KDM2A: variants seen among roughly 807,000 people sequenced by gnomAD.
KDM2A encodes the protein lysine-specific demethylase 2A.
In KDM2A, 3 loss-of-function variants were observed where a neutral mutation model predicts 137.3. The observed-to-expected ratio is 0.02, with a 90% CI of 0.01 to 0.06. The LOEUF (loss-of-function observed/expected upper bound fraction) is 0.06, where lower values mean the gene tolerates loss of function less well. Among genes scored for constraint, KDM2A ranks in the 10% least tolerant of loss-of-function variants. KDM2A has a pLI of 1.00. For missense variants in KDM2A, 738 were observed against 1,510.6 expected (o/e 0.49, Z 8.48); for synonymous variants, 512 against 541.5 (o/e 0.95, Z 0.76).
At chr11:67,144,384 C>T (rs1240905224) in intron 2 of KDM2A, among the ~76,000 whole-genome samples, 1 of 151,454 alleles carries the variant, frequency 6.6e-6, no homozygotes, top group East Asian at 1.9e-4. Flanking sequence ...TCTCAAGTAG[C>T]TGGGATTACA....
intron 2 of KDM2A, among the ~76,000 whole-genome samples, chr11:67,161,751 C>T (rs1442874673): frequency 2.0e-5 from 3 of 152,132 alleles, no homozygotes; most frequent in African/African-American, 4.8e-5. Context: ...ATTTTCATAA[C>T]AGTACTATTA....
At chr11:67,221,058 G>A (rs1858330246) in intron 10 of KDM2A, among the ~76,000 whole-genome samples, 2 of 151,406 alleles carry the variant, frequency 1.3e-5, no homozygotes, top group South Asian at 4.2e-4. Context: ...CTAGTTCACA[G>A]GAATCATAAA....
In KDM2A at chr11:67,169,941, A is replaced by G. The variant is rs576143337; in HGVS notation, c.43-10138A>G. Among the ~76,000 whole-genome samples the G allele has an allele frequency of 7.7e-4, 116 of 151,628 alleles. 1 individual carries two copies. Among genetic ancestry groups the G allele is most frequent in the African/African-American group, 2.8e-3 (114 of 41,352 alleles). On this transcript the variant is annotated intron_variant, in intron 2 of 20. Coordinates refer to ENST00000529006, the MANE Select transcript of KDM2A (RefSeq NM_012308.3). ...GCAGGCTAATTTTTGTATTTTTAGT[A>G]GAGATGGGGTTTCACCATGCTGGCC...
At chr11:67,190,901 A>G (rs1724757049) in intron 5 of KDM2A, among the ~76,000 whole-genome samples, 1 of 152,242 alleles carries the variant, frequency 6.6e-6, no homozygotes, top group Non-Finnish European at 1.5e-5. Flanking sequence ...GTAGTTAGTG[A>G]GGAGATTGAG....
At chr11:67,143,942 C>T (rs1022952983) in intron 2 of KDM2A, among the ~76,000 whole-genome samples, 1 of 147,430 alleles carries the variant, frequency 6.8e-6, no homozygotes, top group East Asian at 2.0e-4. Context: ...TTAAAAAAAA[C>T]TATTTTTTTT....
chr11:67,219,726 T>G (rs1275555336), intron 10 of KDM2A: 1 of 156,900 alleles, frequency 6.4e-6, no homozygotes, highest in Non-Finnish European at 1.4e-5. Flanking sequence ...AATTTTTAAT[T>G]TTTTTCGTAG....
intron 2 of KDM2A, among the ~76,000 whole-genome samples, chr11:67,136,801 C>T (rs971745359): frequency 6.6e-6 from 1 of 152,130 alleles, no homozygotes; most frequent in Non-Finnish European, 1.5e-5. Flanking sequence ...CCATGTAGGG[C>T]GCTCTGGCTT....
chr11:67,157,218 CAGG>C lies in KDM2A; in HGVS notation c.43-22858_43-22856del, dbSNP rs575429053. Among the ~76,000 whole-genome samples the C allele has an allele frequency of 5.4e-5, 8 of 149,054 alleles. No homozygotes were observed. The South Asian group carries it at 1.7e-3, about 32-fold the overall frequency. ...GTCCCAGCTACTCAGGAGGCTGAGG[CAGG>C]AGAATGGCATGAACCCGGGAGGCGG... On this transcript the variant is annotated intron_variant, in intron 2 of 20. Transcript: ENST00000529006.
intron 17 of KDM2A, 44 bp from the exon 18 acceptor site, chr11:67,252,650 C>G (rs1319769218): frequency 6.2e-7 from 1 of 1,609,462 alleles, no homozygotes; most frequent in Non-Finnish European, 8.5e-7. Context: ...GGGAGCTCCA[C>G]TGATCAAGTT....
intron 6 of KDM2A, among the ~76,000 whole-genome samples, chr11:67,212,074 T>G (rs578111059): frequency 6.6e-6 from 1 of 152,280 alleles, no homozygotes; most frequent in Non-Finnish European, 1.5e-5. Flanking sequence ...GGTGGGAGAA[T>G]TGCTTGAGCC....
intron 2 of KDM2A, among the ~76,000 whole-genome samples, chr11:67,174,558 A>G (rs1856940532): frequency 6.6e-6 from 1 of 152,074 alleles, no homozygotes; most frequent in Admixed American, 6.6e-5. Flanking sequence ...TCTTCTGCTC[A>G]CCACCTAGGA....
intron 12 of KDM2A, chr11:67,240,450 A>G (rs1590819028): frequency 2.5e-6 from 3 of 1,204,484 alleles, no homozygotes; most frequent in Non-Finnish European, 3.4e-6. Context: ...AAGAGGCAGG[A>G]GAAACTGCCT....
Position 67,257,665 on chromosome 11 carries a change from A to T in KDM2A, c.*2610A>T, listed in dbSNP as rs759021837. ...ATAAATAAAACTCCTAAAGTCACTT[A>T]TGTTTAAAGGGTTTGGTTGTGTTTT... On this transcript the variant is annotated 3_prime_UTR_variant, in exon 21 of 21. Transcript: ENST00000529006. 6.6e-5 allele frequency: 10 copies of T among 152,250 alleles called. No homozygotes were observed. The highest frequency in any genetic ancestry group is 1.3e-4 in the Non-Finnish European group (9 of 68,014). The allele number at this position is 152,250 out of a possible 1,614,324, so 9.4% of individuals were successfully genotyped here.
At chr11:67,210,909 A>C (rs1358936341) in intron 6 of KDM2A, among the ~76,000 whole-genome samples, 1 of 152,194 alleles carries the variant, frequency 6.6e-6, no homozygotes, top group East Asian at 1.9e-4. Context: ...CAGGAGGCCA[A>C]GGTGGGCGTA....
chr11:67,182,827 C>T (rs1307560754), intron 5 of KDM2A, among the ~76,000 whole-genome samples: 1 of 152,164 alleles, frequency 6.6e-6, no homozygotes, highest in African/African-American at 2.4e-5. Flanking sequence ...GCCACTGCAC[C>T]CGGCTGGAAT....
chr11:67,139,152 G>A (rs1036593318), intron 2 of KDM2A, among the ~76,000 whole-genome samples: 4 of 151,326 alleles, frequency 2.6e-5, no homozygotes, highest in Non-Finnish European at 5.9e-5. Flanking sequence ...CCATTACTAC[G>A]CCCTTCCTGG....
intron 2 of KDM2A, among the ~76,000 whole-genome samples, chr11:67,147,249 T>G (rs187194378): frequency 2.6e-5 from 4 of 152,246 alleles, no homozygotes; most frequent in African/African-American, 9.6e-5. Context: ...TTAAAAGATA[T>G]GACTTCCACT....
rs568292835 is a variant in KDM2A, at chr11:67,120,025, C to G, written c.-108C>G. The G allele has an allele frequency of 6.6e-6, 1 of 152,370 alleles. No individual in the cohort carries two copies. Among genetic ancestry groups the G allele is most frequent in the Non-Finnish European group, 1.5e-5 (1 of 68,168 alleles). 9.4% of individuals were successfully genotyped at this position (152,370 alleles called of 1,614,324 possible). On this transcript the variant is annotated 5_prime_UTR_variant, in exon 1 of 21. Coordinates refer to ENST00000529006, the MANE Select transcript of KDM2A (RefSeq NM_012308.3). Reference sequence around the variant, plus strand: ...TGGAATCTTTTACTTCTCACTTGGACAAGAACTCAAGAGCAGAATCTCCGG... The same window carrying G: ...TGGAATCTTTTACTTCTCACTTGGAGAAGAACTCAAGAGCAGAATCTCCGG...
Position 67,250,531 on chromosome 11 carries a change from G to A in KDM2A, c.2501G>A (p.Arg834His), listed in dbSNP as rs777607633. The A allele has an allele frequency of 1.5e-5, 24 of 1,613,724 alleles. No homozygotes were observed. The highest frequency in any genetic ancestry group is 8.9e-5 in the East Asian group (4 of 44,892). Residue 834 changes from arginine (R) to histidine (H), a missense_variant, in exon 17 of 21, where the codon CGT becomes CAT. Arg to His is a conservative substitution (Grantham distance 29, BLOSUM62 0). This residue lies in a region of KDM2A where 244 missense variants were observed against 324.6 expected (regional missense o/e 0.75). Coordinates refer to ENST00000529006, the MANE Select transcript of KDM2A (RefSeq NM_012308.3). This position sits in a 1 kb window ranked among gnomAD's most constrained non-coding sequence, Gnocchi z 7.1. ...TCTGCCAACCTTCGCCATTCCCCCC[G>A]TGTGCTAGTGCAGCACTGCCCAGCC... ...ASSANLRHSP[R>H]VLVQHCPART... is the part of the protein sequence containing the mutation.
Sources: allele counts gnomAD v4.1 joint callset (sites outside exome capture counted in the v4.1 genomes callset), GRCh38; gene constraint gnomAD v4.1.1; regional missense constraint gnomAD v4.1.1; non-coding constraint Gnocchi (gnomAD v3.1); transcripts MANE v1.5; gene names NCBI Gene and HGNC (gene_info 2026-07-23, HGNC 2026-07-21).